CASQ2: variants seen among roughly 807,000 people sequenced by gnomAD.
CASQ2 encodes the protein calsequestrin 2.
In CASQ2, 49 loss-of-function variants were observed where a neutral mutation model predicts 46.5. The observed-to-expected ratio is 1.05, with a 90% CI of 0.84 to 1.34. The LOEUF is 1.34. CASQ2 is among the 40% of genes most tolerant of loss of function. CASQ2 has a pLI of 0.00. For synonymous variants in CASQ2, 174 were observed against 168.5 expected (o/e 1.03, Z -0.25); for missense variants, 486 against 481.3 (o/e 1.01, Z -0.09).
chr1:115,733,101 G>A (rs924240788), intron 4 of CASQ2, 127 bp from the exon 5 acceptor site: 14 of 642,766 alleles, frequency 2.2e-5, no homozygotes, highest in Non-Finnish European at 3.3e-5. Context: ...AGTAGGTATT[G>A]TTTACATAGA....
chr1:115,760,826 T>C (rs1648911151), intron 1 of CASQ2, among the ~76,000 whole-genome samples: 2 of 152,088 alleles, frequency 1.3e-5, no homozygotes, highest in Non-Finnish European at 2.9e-5. Flanking sequence ...GTGAAGAAAA[T>C]TCACATTGAT....
chr1:115,705,002 C>T lies in CASQ2; in HGVS notation c.939+190G>A, dbSNP rs72703606. 0.015 allele frequency among the ~76,000 whole-genome samples: 2,254 copies of T among 152,302 alleles called. 24 individuals carry two copies. The highest frequency in any genetic ancestry group is 0.024 in the Middle Eastern group (7 of 294). On this transcript the variant is annotated intron_variant, in intron 9 of 10. Transcript: ENST00000261448. ...AACTCCTGGACTCCAGGGAGTAAGC[C>T]GAATCCTTTCAGGGTCAGCACCAGG...
chr1:115,745,425 G>A (rs1648355772), intron 1 of CASQ2, among the ~76,000 whole-genome samples: 1 of 152,156 alleles, frequency 6.6e-6, no homozygotes, highest in African/African-American at 2.4e-5. Flanking sequence ...GACCTGAGAT[G>A]TCTTCTCAAG....
chr1:115,754,868 C>CTGTA (rs1648707003), intron 1 of CASQ2, among the ~76,000 whole-genome samples: 2 of 152,190 alleles, frequency 1.3e-5, no homozygotes, highest in Non-Finnish European at 2.9e-5. Flanking sequence ...AGGGCAAACC[C>CTGTA]CACTACACTA....
Position 115,717,895 on chromosome 1 carries a change from C to T in CASQ2, c.784-1G>A, listed in dbSNP as rs773769524. ...TGTGGATCCCATTCAAATCATCTTC[C>T]TGTATGAGAAAAGTAACAAAAGTTA... is the stretch of plus-strand genomic sequence containing the variant. On this transcript the variant is annotated splice_acceptor_variant, in intron 7 of 10. Coordinates refer to ENST00000261448, the MANE Select transcript of CASQ2 (RefSeq NM_001232.4). LOFTEE classifies it high-confidence loss of function. 1 of 1,607,100 alleles carries T rather than the reference C, an allele frequency of 6.2e-7. No individual in the cohort carries two copies. The highest frequency in any genetic ancestry group is 2.2e-5 in the East Asian group (1 of 44,844).
chr1:115,703,637 G>T lies in CASQ2; in HGVS notation c.940-642C>A, dbSNP rs1408253000. Among the ~76,000 whole-genome samples the T allele has an allele frequency of 2.0e-5, 3 of 152,134 alleles. No individual in the cohort carries two copies. In the East Asian group the frequency reaches 5.8e-4, roughly 29 times the overall value. ...AAACCAAGGCAAACACATAGAACTG[G>T]CCAGAAGAGAGTCTGGGCATGGTGG... On this transcript the variant is annotated intron_variant, in intron 9 of 10. Coordinates refer to ENST00000261448, the MANE Select transcript of CASQ2 (RefSeq NM_001232.4).
intron 1 of CASQ2, among the ~76,000 whole-genome samples, chr1:115,751,753 T>C (rs1360659487): frequency 1.3e-5 from 2 of 152,142 alleles, no homozygotes; most frequent in Non-Finnish European, 2.9e-5. Context: ...GTTTGTGGGC[T>C]GGGAGGTCAA....
At position 115,700,547 on chromosome 1, in the gene CASQ2, A is replaced by G. The variant is rs1299655563; in HGVS notation, c.*694T>C. ...TAGAGGGAAGTTTAGAGAGCAAATC[A>G]ACCTCCCATCCCAGTTTCCTAATAT... On this transcript the variant is annotated 3_prime_UTR_variant, in exon 11 of 11. Coordinates refer to ENST00000261448, the MANE Select transcript of CASQ2 (RefSeq NM_001232.4). 1 of 154,430 alleles carries G rather than the reference A, an allele frequency of 6.5e-6. No individual in the cohort carries two copies. The allele number at this position is 154,430 out of a possible 1,614,324, so 9.6% of individuals were successfully genotyped here.
At chr1:115,705,346 T>A in intron 8 of CASQ2, 54 bp from the exon 9 acceptor site, 1 of 1,143,166 alleles carries the variant, frequency 8.7e-7, no homozygotes, top group Non-Finnish European at 1.3e-6. Flanking sequence ...CAGCTTCTAA[T>A]GTGGAGAGCA....
intron 1 of CASQ2, among the ~76,000 whole-genome samples, chr1:115,764,861 C>T (rs1054869929): frequency 1.3e-4 from 20 of 152,140 alleles, no homozygotes; most frequent in African/African-American, 3.6e-4. Flanking sequence ...CCTGTTCTCA[C>T]GACAGAATTC....
Position 115,727,078 on chromosome 1 carries a change from A to G in CASQ2, c.651T>C (p.Tyr217=), listed in dbSNP as rs1295496375. Residue 217 remains tyrosine, a synonymous_variant, in exon 6 of 11, where the codon TAT becomes TAC. Coordinates refer to ENST00000261448, the MANE Select transcript of CASQ2 (RefSeq NM_001232.4). ...LSLKMNEVDF[Y]EPFMDEPIAI... is the part of the protein sequence containing the mutation. ...CAATGGGCTCATCCATAAATGGCTC[A>G]TAGAAGTCAACCTCATTCATCTTCA... The G allele has an allele frequency of 1.2e-6, 2 of 1,613,306 alleles. No individual in the cohort carries two copies. Among genetic ancestry groups the G allele is most frequent in the Non-Finnish European group, 1.7e-6 (2 of 1,179,262 alleles).
intron 7 of CASQ2, among the ~76,000 whole-genome samples, chr1:115,725,130 G>A (rs1647532411): frequency 6.6e-6 from 1 of 152,052 alleles, no homozygotes; most frequent in Admixed American, 6.5e-5. Flanking sequence ...GCAGTGCCAG[G>A]ATCACAGCTC....
At chr1:115,746,333 T>C (rs1035083654) in intron 1 of CASQ2, among the ~76,000 whole-genome samples, 1 of 152,232 alleles carries the variant, frequency 6.6e-6, no homozygotes, top group African/African-American at 2.4e-5. Flanking sequence ...TTAATTTCTC[T>C]GAGATAAATG....
Position 115,701,298 on chromosome 1 carries a change from A to G in CASQ2, c.1143T>C (p.Asp381=). The part of the protein sequence containing the change: ...NTEDDDEDDD[D]DDNSDEEDND... ...TATCCTCTTCATCAGAATTATCATCATCATCATCATCTTCATCATCATCTT... is the reference window on the plus strand; with the variant it reads ...TATCCTCTTCATCAGAATTATCATCGTCATCATCATCTTCATCATCATCTT... The change falls in exon 11 of 11, where the codon GAT becomes GAC. Residue 381 remains aspartate (D), a synonymous_variant. Coordinates refer to ENST00000261448, the MANE Select transcript of CASQ2 (RefSeq NM_001232.4). The G allele has an allele frequency of 6.9e-6, 11 of 1,597,616 alleles. No homozygotes were observed. The highest frequency in any genetic ancestry group is 1.1e-5 in the South Asian group (1 of 90,692).
At chr1:115,749,188 A>G (rs1324122244) in intron 1 of CASQ2, among the ~76,000 whole-genome samples, 1 of 152,208 alleles carries the variant, frequency 6.6e-6, no homozygotes, top group Non-Finnish European at 1.5e-5. Context: ...AGAATAACCA[A>G]TGACATAAAA....
At chr1:115,716,861 G>A (rs991297724) in intron 8 of CASQ2, among the ~76,000 whole-genome samples, 1 of 152,150 alleles carries the variant, frequency 6.6e-6, no homozygotes, top group Non-Finnish European at 1.5e-5. Context: ...TTTAAGACAT[G>A]GTGAGATTAA....
intron 1 of CASQ2, among the ~76,000 whole-genome samples, chr1:115,747,620 C>T (rs568216276): frequency 7.2e-5 from 11 of 152,144 alleles, no homozygotes; most frequent in Middle Eastern, 3.4e-3. Flanking sequence ...GGTATGTCTC[C>T]ATTTATTTGA....
chr1:115,765,377 G>A (rs1479360435), intron 1 of CASQ2, among the ~76,000 whole-genome samples: 2 of 152,154 alleles, frequency 1.3e-5, no homozygotes, highest in Non-Finnish European at 2.9e-5. Flanking sequence ...ATCCCTTAGA[G>A]ATGCAGACAA....
intron 4 of CASQ2, among the ~76,000 whole-genome samples, chr1:115,734,741 C>T (rs909885570): frequency 7.9e-5 from 12 of 152,144 alleles, no homozygotes; most frequent in African/African-American, 2.9e-4. Context: ...TTAGCATTTT[C>T]TCTCCTTTCT....
Sources: allele counts gnomAD v4.1 joint callset (sites outside exome capture counted in the v4.1 genomes callset), GRCh38; gene constraint gnomAD v4.1.1; transcripts MANE v1.5; gene names NCBI Gene and HGNC (gene_info 2026-07-23, HGNC 2026-07-21).